The following NBAS variants were observed in gnomAD, a reference collection of about 807,000 sequenced individuals.
NBAS encodes NBAS subunit of NRZ tethering complex.
In NBAS, 219 loss-of-function variants were observed where a neutral mutation model predicts 302.5. That is an observed-to-expected ratio of 0.72 (90% CI 0.65 to 0.81). The LOEUF is 0.81. Ranked by LOEUF, NBAS falls within the 30% of genes least tolerant of loss-of-function variation. The pLI is 0.00. For synonymous variants in NBAS, 1,118 were observed against 1,021.6 expected (o/e 1.09, Z -1.80); for missense variants, 2,932 against 2,841.6 (o/e 1.03, Z -0.72).
chr2:15,474,008 C>A (rs1007501340), intron 15 of NBAS, 59 bp downstream of exon 15: 2 of 1,602,910 alleles, frequency 1.2e-6, no homozygotes, highest in African/African-American at 1.3e-5. Context: ...TTAACTTTTT[C>A]TCAATAAAAG....
At chr2:14,969,370 G>GTTATTA in the NBAS span, among the ~76,000 whole-genome samples, 16 of 151,590 alleles carry the variant, frequency 1.1e-4, no homozygotes, top group Middle Eastern at 6.8e-3. Context: ...ATATCTCAAA[G>GTTATTA]TTATTATTAT....
At chr2:14,862,131 T>G in the NBAS span, among the ~76,000 whole-genome samples, 1 of 145,868 alleles carries the variant, frequency 6.9e-6, no homozygotes, top group African/African-American at 2.8e-5. Flanking sequence ...GTGAGCCAGA[T>G]TTATTTAAGC....
the NBAS span, among the ~76,000 whole-genome samples, chr2:14,796,265 C>T: frequency 1.3e-5 from 2 of 152,138 alleles, no homozygotes; most frequent in South Asian, 2.1e-4. Flanking sequence ...TTCTTGAAGT[C>T]AGATAGGGAA....
the NBAS span, among the ~76,000 whole-genome samples, chr2:14,796,950 C>T: frequency 1.4e-5 from 2 of 147,922 alleles, no homozygotes; most frequent in Non-Finnish European, 3.0e-5. Flanking sequence ...ATTAGCCGGG[C>T]ATGGTGGCGG....
chr2:15,094,668 G>A, the NBAS span, among the ~76,000 whole-genome samples: 58 of 152,270 alleles, frequency 3.8e-4, no homozygotes, highest in African/African-American at 1.3e-3. Context: ...GAGAATATGC[G>A]GACTGATGGG....
rs55977282 is a variant in NBAS at position 15,551,667 on chromosome 2, G to T, written c.336-131C>A. On this transcript the variant is annotated intron_variant, in intron 5 of 51. Coordinates refer to ENST00000281513, the MANE Select transcript of NBAS (RefSeq NM_015909.4). ...CATATCTCCTCTCAGACATGGTTTT[G>T]TGGCTCAATTATGACCCTTTTGTCA... The T allele has an allele frequency of 0.29, 184,475 of 638,574 alleles. 30,582 individuals carry two copies. Among genetic ancestry groups the T allele is most frequent in the East Asian group, 0.6 (20,999 of 35,056 alleles). The allele number at this position is 638,574 out of a possible 1,614,324, so 39.6% of individuals were successfully genotyped here. A position where few individuals can be genotyped will look rare whatever the true frequency, so the allele number is the denominator to read the frequency against.
chr2:15,544,417 G>C (rs576233618), intron 6 of NBAS, among the ~76,000 whole-genome samples: 15 of 152,050 alleles, frequency 9.9e-5, no homozygotes, highest in African/African-American at 2.4e-4. Flanking sequence ...AAGGGAAGAA[G>C]GGAGGGAGGG....
At chr2:15,284,466 T>C (rs112282376) in intron 42 of NBAS, among the ~76,000 whole-genome samples, 75 of 152,350 alleles carry the variant, frequency 4.9e-4, no homozygotes, top group African/African-American at 1.7e-3. Flanking sequence ...TGCTATATAA[T>C]GGTATCTCAC....
At chr2:15,010,426 G>A in the NBAS span, among the ~76,000 whole-genome samples, 43 of 152,254 alleles carry the variant, frequency 2.8e-4, no homozygotes, top group African/African-American at 9.9e-4. Context: ...AAAGAAAGAG[G>A]AGGCAGCAGG....
chr2:15,527,686 T>C (rs1662982609), intron 9 of NBAS, among the ~76,000 whole-genome samples: 1 of 152,220 alleles, frequency 6.6e-6, no homozygotes, highest in Non-Finnish European at 1.5e-5. Flanking sequence ...CATTAAGTTT[T>C]AATACATGGA....
intron 35 of NBAS, among the ~76,000 whole-genome samples, chr2:15,337,150 T>C (rs1336512628): frequency 6.6e-6 from 1 of 152,104 alleles, no homozygotes; most frequent in Non-Finnish European, 1.5e-5. Context: ...AAATCTTATA[T>C]TTAATATTTT....
At chr2:15,558,153 G>C (rs1052032636) in intron 2 of NBAS, among the ~76,000 whole-genome samples, 5 of 152,148 alleles carry the variant, frequency 3.3e-5, no homozygotes, top group African/African-American at 1.2e-4. Context: ...CCTCACACGT[G>C]CAGTTCACAA....
the NBAS span, among the ~76,000 whole-genome samples, chr2:14,998,114 T>C: frequency 6.6e-6 from 1 of 152,174 alleles, no homozygotes; most frequent in Admixed American, 6.6e-5. Flanking sequence ...ACTCAACCAG[T>C]TGGATTTCTG....
the NBAS span, among the ~76,000 whole-genome samples, chr2:15,094,692 C>G: frequency 5.3e-5 from 8 of 152,156 alleles, no homozygotes; most frequent in Non-Finnish European, 8.8e-5. Flanking sequence ...CAAGACTGTG[C>G]CCAGCTTCCC....
the NBAS span, among the ~76,000 whole-genome samples, chr2:14,834,488 C>T: frequency 7.2e-3 from 1,092 of 152,216 alleles, 12 homozygotes; most frequent in African/African-American, 0.025. Context: ...TAAAAAATAT[C>T]CATTATGCAA....
chr2:14,897,223 GC>G, the NBAS span, among the ~76,000 whole-genome samples: 1 of 152,078 alleles, frequency 6.6e-6, no homozygotes, highest in Non-Finnish European at 1.5e-5. Flanking sequence ...GTCTTTTCCT[GC>G]CTTTCTTATT....
chr2:15,361,038 G>A (rs1162320129), intron 32 of NBAS, among the ~76,000 whole-genome samples: 1 of 152,166 alleles, frequency 6.6e-6, no homozygotes, highest in Non-Finnish European at 1.5e-5. Context: ...TGGCTGTATA[G>A]GAGGTTTACA....
chr2:15,219,532 G>A (rs1327809625), intron 47 of NBAS, among the ~76,000 whole-genome samples: 12 of 134,694 alleles, frequency 8.9e-5, no homozygotes, highest in Admixed American at 2.3e-4. Flanking sequence ...GACTCTTAAC[G>A]AGCATGCTGC....
At chr2:15,329,416 ATGG>A in intron 36 of NBAS, among the ~76,000 whole-genome samples, 2 of 152,248 alleles carry the variant, frequency 1.3e-5, no homozygotes, top group Middle Eastern at 6.8e-3. Flanking sequence ...CATCACTACC[ATGG>A]TTCAAACTAC....
Sources: gnomAD v4.1 joint callset for allele counts (sites outside exome capture counted in the v4.1 genomes callset) on GRCh38, gnomAD v4.1.1 for gene constraint, MANE v1.5 for transcripts, NCBI Gene and HGNC (gene_info 2026-07-23, HGNC 2026-07-21) for gene names.